Variants in OPN5 observed in about 807,000 individuals in gnomAD.
OPN5 encodes opsin 5.
A neutral mutation model predicts 41.7 loss-of-function variants in OPN5; 18 were observed. That is an observed-to-expected ratio of 0.43 (90% CI 0.30 to 0.64). The LOEUF (loss-of-function observed/expected upper bound fraction) is 0.64. Among genes scored for constraint, OPN5 ranks in the 30% least tolerant of loss-of-function variants. OPN5 has a pLI of 0.13. For synonymous variants in OPN5, 178 were observed against 164.3 expected (o/e 1.08, Z -0.64); for missense variants, 318 against 434.5 (o/e 0.73, Z 2.38).
intron 4 of OPN5, among the ~76,000 whole-genome samples, chr6:47,800,756 G>A (rs1009412403): frequency 1.3e-5 from 2 of 152,178 alleles, no homozygotes; most frequent in African/African-American, 2.4e-5. Context: ...TTAAAGGAAA[G>A]TCAAGATGGG....
intron 4 of OPN5, among the ~76,000 whole-genome samples, chr6:47,801,355 G>A (rs1163919565): frequency 1.3e-5 from 2 of 152,172 alleles, no homozygotes; most frequent in East Asian, 3.8e-4. Context: ...ACCTGACAGG[G>A]CATTTTGCTT....
chr6:47,787,068 A>T, intron 2 of OPN5: 1 of 986,212 alleles, frequency 1.0e-6, no homozygotes, highest in Non-Finnish European at 1.2e-6. Flanking sequence ...AGTTGAAGAC[A>T]GTTGAAGGCA....
chr6:47,820,133 TAGAGAG>T (rs5876036), intron 6 of OPN5, among the ~76,000 whole-genome samples: 18,811 of 149,400 alleles, frequency 0.13, 1,145 homozygotes, highest in South Asian at 0.15. Context: ...TCCTTTTGAA[TAGAGAG>T]AGAGAGAGAG....
At chr6:47,821,960 A>G (rs1319697620) in intron 6 of OPN5, among the ~76,000 whole-genome samples, 1 of 152,046 alleles carries the variant, frequency 6.6e-6, no homozygotes, top group East Asian at 1.9e-4. Flanking sequence ...AAAAATATAA[A>G]AATTAGCTGG....
chr6:47,804,612 G>T lies in OPN5; in HGVS notation c.757-3542G>T, dbSNP rs561525833. 9.0e-4 allele frequency among the ~76,000 whole-genome samples: 137 copies of T among 152,262 alleles called. No homozygotes were observed. In the South Asian group the frequency reaches 0.015, roughly 17 times the overall value. On this transcript the variant is annotated intron_variant, in intron 4 of 6. Transcript: ENST00000371211. Reference sequence around the variant, plus strand: ...TATATTTTAAAATGGAAAGGTTATAGAAAGTGAATGTGCCTTATATTAACT... The same window carrying T: ...TATATTTTAAAATGGAAAGGTTATATAAAGTGAATGTGCCTTATATTAACT...
chr6:47,791,685 G>A (rs1773377849), intron 2 of OPN5, 117 bp from the exon 3 acceptor site: 3 of 732,458 alleles, frequency 4.1e-6, no homozygotes, highest in Non-Finnish European at 7.1e-6. Context: ...AATCAAGGGT[G>A]TGTGTGTGCG....
At chr6:47,795,254 C>A in exon 4 of OPN5, 1 of 1,605,496 alleles carries the variant, frequency 6.2e-7, no homozygotes. Flanking sequence ...GAAAGCACGC[C>A]TACATCTGCC....
intron 6 of OPN5, among the ~76,000 whole-genome samples, chr6:47,813,205 C>CT (rs1449412449): frequency 3.3e-5 from 5 of 152,120 alleles, no homozygotes; most frequent in Non-Finnish European, 7.3e-5. Context: ...AGGCAAGGAA[C>CT]TTTTTAGCAG....
intron 5 of OPN5, among the ~76,000 whole-genome samples, chr6:47,811,199 G>C (rs1239547047): frequency 3.9e-5 from 6 of 152,102 alleles, no homozygotes; most frequent in Non-Finnish European, 7.4e-5. Flanking sequence ...CATTTGATTG[G>C]GGGTATGCAG....
intron 5 of OPN5, among the ~76,000 whole-genome samples, chr6:47,808,998 T>C (rs1774085845): frequency 6.6e-6 from 1 of 152,144 alleles, no homozygotes; most frequent in Admixed American, 6.6e-5. Context: ...AGAGGAGAAA[T>C]TCAAATTCAA....
intron 6 of OPN5, among the ~76,000 whole-genome samples, chr6:47,821,375 G>A (rs1561908377): frequency 6.6e-6 from 1 of 152,232 alleles, no homozygotes; most frequent in Non-Finnish European, 1.5e-5. Context: ...AGGACATGAA[G>A]AGGCAATCCC....
At chr6:47,810,295 A>T (rs954958147) in intron 5 of OPN5, among the ~76,000 whole-genome samples, 14 of 152,124 alleles carry the variant, frequency 9.2e-5, no homozygotes, top group African/African-American at 3.4e-4. Context: ...TGCTGAAGAG[A>T]TATTGAGTCG....
At chr6:47,797,756 G>A (rs899781085) in intron 4 of OPN5, among the ~76,000 whole-genome samples, 1 of 152,160 alleles carries the variant, frequency 6.6e-6, no homozygotes, top group Non-Finnish European at 1.5e-5. Flanking sequence ...TTGACACTTT[G>A]TTGGCCTTGC....
rs147825636 is a variant in OPN5, at chr6:47,817,650, C to A, written c.1056+5919C>A. Among the ~76,000 whole-genome samples, 260 of 152,202 alleles carry A rather than the reference C, an allele frequency of 1.7e-3. 1 individual carries two copies. Among genetic ancestry groups the A allele is most frequent in the African/African-American group, 5.9e-3 (245 of 41,514 alleles). On this transcript the variant is annotated intron_variant, in intron 6 of 6. Coordinates refer to ENST00000371211, the Ensembl canonical transcript of OPN5. Reference sequence around the variant, plus strand: ...GTAATTTAACAAGATGACTTTCCTGCCCATTGAATTTGATTAAGTCAATGA... The same window carrying A: ...GTAATTTAACAAGATGACTTTCCTGACCATTGAATTTGATTAAGTCAATGA...
rs117021713 is a variant in OPN5, at chr6:47,804,944, G to T, written c.757-3210G>T. On this transcript the variant is annotated intron_variant, in intron 4 of 6. Transcript: ENST00000371211. Reference sequence around the variant, plus strand: ...AAATGTAGAAAATATTATGGACTAAGTGCTAATCTATTTTTTGTCAATGAC... The same window carrying T: ...AAATGTAGAAAATATTATGGACTAATTGCTAATCTATTTTTTGTCAATGAC... Among the ~76,000 whole-genome samples the T allele has an allele frequency of 2.1e-3, 313 of 152,286 alleles. 13 individuals are homozygous for T. In the East Asian group the frequency reaches 0.055, roughly 27 times the overall value.
chr6:47,786,637 A>G lies in OPN5; in HGVS notation c.250+3A>G. On this transcript the variant is annotated splice_donor_region_variant and intron_variant, in intron 2 of 6. Coordinates refer to ENST00000371211, the Ensembl canonical transcript of OPN5. Reference sequence around the variant, plus strand: ...AGTCTGTGATCTGGGGATTTCAGGTAACACAACCATGCTGTGTTTTCTTTG... The same window carrying G: ...AGTCTGTGATCTGGGGATTTCAGGTGACACAACCATGCTGTGTTTTCTTTG... 5.6e-6 allele frequency: 9 copies of G among 1,613,262 alleles called. No homozygotes were observed. Among genetic ancestry groups the G allele is most frequent in the Non-Finnish European group, 7.6e-6 (9 of 1,179,356 alleles).
At chr6:47,788,639 G>C (rs1282005458) in intron 2 of OPN5, among the ~76,000 whole-genome samples, 3 of 151,526 alleles carry the variant, frequency 2.0e-5, no homozygotes, top group Non-Finnish European at 4.4e-5. Flanking sequence ...TTTTTTTCTG[G>C]CTCAGCTATA....
chr6:47,804,978 C>T (rs1323832913), intron 4 of OPN5, among the ~76,000 whole-genome samples: 1 of 152,156 alleles, frequency 6.6e-6, no homozygotes, highest in East Asian at 1.9e-4. Context: ...ACTTTGGCAG[C>T]AACACAGAAA....
At chr6:47,819,746 GA>G (rs1762544941) in intron 6 of OPN5, among the ~76,000 whole-genome samples, 1 of 152,054 alleles carries the variant, frequency 6.6e-6, no homozygotes, top group South Asian at 2.1e-4. Context: ...TGAGGAATGG[GA>G]GGAAATCTTC....
Sources: allele counts gnomAD v4.1 joint callset (sites outside exome capture counted in the v4.1 genomes callset), GRCh38; gene constraint gnomAD v4.1.1; transcripts MANE v1.5; gene names NCBI Gene and HGNC (gene_info 2026-07-23, HGNC 2026-07-21).